BCAS3: variants seen among roughly 807,000 people sequenced by gnomAD.
BCAS3 encodes BCAS3 microtubule associated cell migration factor.
BCAS3 carries 53 observed loss-of-function variants against 116.1 expected under a neutral mutation model. The ratio of observed to expected loss-of-function variants is 0.46; its 90% confidence interval spans 0.37 to 0.57. The LOEUF is 0.57. Ranked by LOEUF, BCAS3 falls within the 20% of genes least tolerant of loss-of-function variation. The probability of loss-of-function intolerance (pLI) is 0.00; values close to 1 mark genes in which losing one functional copy is unlikely to be tolerated. For synonymous variants in BCAS3, 391 were observed against 408.2 expected (o/e 0.96, Z 0.51); for missense variants, 917 against 1,165.4 (o/e 0.79, Z 3.10).
In BCAS3 at chr17:61,007,926, AT is replaced by A. The variant is rs755716221; in HGVS notation, c.1487-7824del. Among the ~76,000 whole-genome samples the A allele has an allele frequency of 9.2e-5, 14 of 152,248 alleles. No individual in the cohort carries two copies. Among genetic ancestry groups the A allele is most frequent in the Middle Eastern group, 3.4e-3 (1 of 294 alleles). ...CATCGATTGCCTCCAAAAAAAAGTT[AT>A]AGGCAAAATGAATCAGTGCCCACAC... On this transcript the variant is annotated intron_variant, in intron 15 of 23. Coordinates refer to ENST00000407086, the MANE Select transcript of BCAS3 (RefSeq NM_017679.5). The surrounding 1 kb of genome is among the most constrained non-coding windows in gnomAD (Gnocchi z 4.3).
In BCAS3 at chr17:61,051,859, A is replaced by G. The variant is rs1022965544; in HGVS notation, c.2029+10967A>G. Among the ~76,000 whole-genome samples the G allele has an allele frequency of 2.6e-5, 4 of 152,238 alleles. No individual in the cohort carries two copies. The highest frequency in any genetic ancestry group is 5.9e-5 in the Non-Finnish European group (4 of 68,048). ...AAATTATAGGGCTAATGTTTATATT[A>G]TAAAGGGAAAAGATCTGAAATCAAT... On this transcript the variant is annotated intron_variant, in intron 19 of 23. Transcript: ENST00000407086. This position sits in a 1 kb window ranked among gnomAD's most constrained non-coding sequence, Gnocchi z 4.1.
chr17:61,246,792 AGTGTGTGT>A (rs61382195), intron 22 of BCAS3, among the ~76,000 whole-genome samples: 369 of 144,228 alleles, frequency 2.6e-3, no homozygotes, highest in African/African-American at 4.2e-3. Context: ...TTTGAGTGAG[AGTGTGTGT>A]GTGTGTGTGT....
chr17:61,252,638 C>T (rs3785861), intron 22 of BCAS3, among the ~76,000 whole-genome samples: 105,770 of 151,516 alleles, frequency 0.7, 37,476 homozygotes, highest in East Asian at 0.8. Context: ...CCTTATGGAA[C>T]ATGGTTCCTC....
rs561659239 is a variant in BCAS3 at position 61,390,102 on chromosome 17, C to G, written c.2594-1875C>G. ...CTGCCGGTGCTCTTCTCCCGCCCGC[C>G]TGGCCCTGCTGTCAGCGCCCCCTAG... On this transcript the variant is annotated intron_variant, in intron 23 of 23. Coordinates refer to ENST00000407086, the MANE Select transcript of BCAS3 (RefSeq NM_017679.5). This position sits in a 1 kb window ranked among gnomAD's most constrained non-coding sequence, Gnocchi z 6.8. 1 of 152,472 alleles carries G rather than the reference C, an allele frequency of 6.6e-6. No homozygotes were observed. The highest frequency in any genetic ancestry group is 1.5e-5 in the Non-Finnish European group (1 of 68,100). 9.4% of individuals were successfully genotyped at this position (152,472 alleles called of 1,614,324 possible). A position where few individuals can be genotyped will look rare whatever the true frequency, so the allele number is the denominator to read the frequency against.
chr17:61,089,009 TG>T (rs1418464988), intron 22 of BCAS3, among the ~76,000 whole-genome samples: 3 of 152,306 alleles, frequency 2.0e-5, no homozygotes, highest in African/African-American at 7.2e-5. Flanking sequence ...TGAGCAGCCT[TG>T]GATCATAAGG....
intron 22 of BCAS3, among the ~76,000 whole-genome samples, chr17:61,111,283 AC>A (rs1313290125): frequency 1.3e-5 from 2 of 151,990 alleles, no homozygotes; most frequent in Non-Finnish European, 2.9e-5. Flanking sequence ...CGATCGAATT[AC>A]TCTGAGCTAC....
chr17:61,386,703 TTTGA>T (rs1234360685), intron 23 of BCAS3, among the ~76,000 whole-genome samples: 1 of 151,814 alleles, frequency 6.6e-6, no homozygotes, highest in African/African-American at 2.4e-5. Flanking sequence ...TCGCAGGGCC[TTTGA>T]TTGGCCAGAC....
chr17:61,274,848 C>T (rs8082397), intron 22 of BCAS3, among the ~76,000 whole-genome samples: 99,723 of 151,948 alleles, frequency 0.66, 32,878 homozygotes, highest in Admixed American at 0.74. Flanking sequence ...TAGAAAAACC[C>T]ATGAAATCTA....
chr17:60,995,008 C>T lies in BCAS3; in HGVS notation c.1486+4773C>T, dbSNP rs150400523. On this transcript the variant is annotated intron_variant, in intron 15 of 23. Transcript: ENST00000407086. This position sits in a 1 kb window ranked among gnomAD's most constrained non-coding sequence, Gnocchi z 4.7. ...TTTTTATTTTTTTGAGACGGGGTCT[C>T]GCTCTGTCACCCAGGCTGGAGTGCA... Among the ~76,000 whole-genome samples the T allele has an allele frequency of 0.029, 4,454 of 152,138 alleles. 90 individuals carry two copies. Among genetic ancestry groups the T allele is most frequent in the Non-Finnish European group, 0.041 (2,797 of 67,988 alleles).
intron 5 of BCAS3, among the ~76,000 whole-genome samples, chr17:60,721,755 A>AAT (rs373170160): frequency 0.033 from 4,975 of 151,276 alleles, 239 homozygotes; most frequent in African/African-American, 0.1. Flanking sequence ...ACAGACTGAA[A>AAT]ATATATATAT....
At chr17:60,928,867 T>G (rs1207518987) in intron 13 of BCAS3, among the ~76,000 whole-genome samples, 1 of 152,154 alleles carries the variant, frequency 6.6e-6, no homozygotes, top group African/African-American at 2.4e-5. Context: ...CTGGTTCATA[T>G]TTACTCTTCT....
In BCAS3 at chr17:60,993,706, A is replaced by C. The variant is rs1006584842; in HGVS notation, c.1486+3471A>C. 1.3e-5 allele frequency among the ~76,000 whole-genome samples: 2 copies of C among 152,150 alleles called. No homozygotes were observed. Among genetic ancestry groups the C allele is most frequent in the Admixed American group, 6.5e-5 (1 of 15,284 alleles). On this transcript the variant is annotated intron_variant, in intron 15 of 23. Coordinates refer to ENST00000407086, the MANE Select transcript of BCAS3 (RefSeq NM_017679.5). This position sits in a 1 kb window ranked among gnomAD's most constrained non-coding sequence, Gnocchi z 4.2. ...GGTCAAAAACAATGTAAACCATTGAACAGGGAGGGATTCATCTTGAAAATG... is the reference window on the plus strand; with the variant it reads ...GGTCAAAAACAATGTAAACCATTGACCAGGGAGGGATTCATCTTGAAAATG...
chr17:60,991,595 A>T (rs2063529804), intron 15 of BCAS3, among the ~76,000 whole-genome samples: 1 of 152,234 alleles, frequency 6.6e-6, no homozygotes, highest in Admixed American at 6.5e-5. Context: ...ATATAGAGAG[A>T]TTGTGGTTAC....
intron 7 of BCAS3, among the ~76,000 whole-genome samples, chr17:60,867,480 A>G (rs561206826): frequency 7.9e-5 from 12 of 152,154 alleles, no homozygotes; most frequent in Admixed American, 6.5e-4. Context: ...ATTTGTTCCA[A>G]GATAGTCAAT....
In BCAS3 at chr17:60,990,516, G is replaced by C. The variant is rs2063457273; in HGVS notation, c.1486+281G>C. ...TTGGAACTATTTTTATAACTTCAGAGAACTGAACATCCTTTTTACTTATCT... is the reference window on the plus strand; with the variant it reads ...TTGGAACTATTTTTATAACTTCAGACAACTGAACATCCTTTTTACTTATCT... On this transcript the variant is annotated intron_variant, in intron 15 of 23. Transcript: ENST00000407086. The surrounding 1 kb of genome is among the most constrained non-coding windows in gnomAD (Gnocchi z 5.1). 6.6e-6 allele frequency among the ~76,000 whole-genome samples: 1 copy of C among 152,128 alleles called. No individual in the cohort carries two copies. Among genetic ancestry groups the C allele is most frequent in the South Asian group, 2.1e-4 (1 of 4,824 alleles).
In BCAS3 at chr17:61,188,776, A is replaced by G. The variant is rs542498405; in HGVS notation, c.2425+104212A>G. Reference sequence around the variant, plus strand: ...ATGTTAAACCTATGATAAGATACAGATTAAAAATCAACTGGATTTCAAATC... The same window carrying G: ...ATGTTAAACCTATGATAAGATACAGGTTAAAAATCAACTGGATTTCAAATC... On this transcript the variant is annotated intron_variant, in intron 22 of 23. Coordinates refer to ENST00000407086, the MANE Select transcript of BCAS3 (RefSeq NM_017679.5). This position sits in a 1 kb window ranked among gnomAD's most constrained non-coding sequence, Gnocchi z 4.0. Among the ~76,000 whole-genome samples, 147 of 152,350 alleles carry G rather than the reference A, an allele frequency of 9.6e-4. 1 individual carries two copies. The highest frequency in any genetic ancestry group is 3.3e-3 in the African/African-American group (136 of 41,588).
intron 5 of BCAS3, among the ~76,000 whole-genome samples, chr17:60,710,267 T>C (rs2037693304): frequency 6.6e-6 from 1 of 152,174 alleles, no homozygotes; most frequent in South Asian, 2.1e-4. Flanking sequence ...AGAATTTTTT[T>C]CTCTTTTTCT....
intron 22 of BCAS3, among the ~76,000 whole-genome samples, chr17:61,157,263 A>G (rs2077901213): frequency 6.6e-6 from 1 of 152,172 alleles, no homozygotes; most frequent in Non-Finnish European, 1.5e-5. Flanking sequence ...ATATTCAGTA[A>G]TATATTTGAA....
At chr17:60,976,025 T>TTTTTTA (rs781660613) in intron 14 of BCAS3, among the ~76,000 whole-genome samples, 7 of 117,126 alleles carry the variant, frequency 6.0e-5, no homozygotes, top group African/African-American at 2.4e-4. Context: ...TTTTGCTTTT[T>TTTTTTA]TTTTTTTTTT....
Sources: gnomAD v4.1 joint callset for allele counts (sites outside exome capture counted in the v4.1 genomes callset) on GRCh38, gnomAD v4.1.1 for gene constraint, Gnocchi (gnomAD v3.1) non-coding constraint, MANE v1.5 for transcripts, NCBI Gene and HGNC (gene_info 2026-07-23, HGNC 2026-07-21) for gene names.